KCNIP2: variants seen among roughly 807,000 people sequenced by gnomAD.
KCNIP2 encodes the protein A-type potassium channel modulatory protein KCNIP2.
A neutral mutation model predicts 39.0 loss-of-function variants in KCNIP2; 19 were observed. The observed-to-expected ratio is 0.49, with a 90% CI of 0.34 to 0.71. KCNIP2 has a LOEUF of 0.71. KCNIP2 is among the 30% of genes least tolerant of loss of function. The probability of loss-of-function intolerance (pLI) is 0.01; values close to 1 mark genes in which losing one functional copy is unlikely to be tolerated. For synonymous variants in KCNIP2, 111 were observed against 131.2 expected, an observed-to-expected ratio of 0.85 and a Z score of 1.05; for missense variants, 261 against 346.0, an observed-to-expected ratio of 0.75 and a Z score of 1.95.
chr10:101,827,685 G>A lies in KCNIP2; in HGVS notation c.765+4C>T, dbSNP rs2065789366. ...AGGGTAATGTAGAGGGCAGGGAGCT[G>A]TACCTTTTGACAAGACTCAATGAAT... is the stretch of plus-strand genomic sequence containing the variant. On this transcript the variant is annotated splice_donor_region_variant and intron_variant, in intron 9 of 9. Coordinates refer to ENST00000356640, the MANE Select transcript of KCNIP2 (RefSeq NM_173191.3). The A allele has an allele frequency of 1.2e-6, 2 of 1,613,970 alleles. No individual in the cohort carries two copies. The highest frequency in any genetic ancestry group is 1.7e-5 in the Admixed American group (1 of 60,020).
At position 101,830,192 on chromosome 10, in the gene KCNIP2, G is replaced by C. The variant is rs527732577; in HGVS notation, c.170-295C>G. Among the ~76,000 whole-genome samples the C allele has an allele frequency of 3.3e-5, 5 of 152,306 alleles. No individual in the cohort carries two copies. The South Asian group carries it at 1.0e-3, about 32-fold the overall frequency. The stretch of plus-strand genomic sequence containing the variant: ...AATGCAGTATGATCCTATGAGGTGG[G>C]CAAGGCCCAACTGAGGAAATGGAGA... On this transcript the variant is annotated intron_variant, in intron 2 of 9. Coordinates refer to ENST00000356640, the MANE Select transcript of KCNIP2 (RefSeq NM_173191.3).
chr10:101,831,837 T>C (rs1290436387), intron 1 of KCNIP2, among the ~76,000 whole-genome samples: 1 of 152,182 alleles, frequency 6.6e-6, no homozygotes, highest in Non-Finnish European at 1.5e-5. Flanking sequence ...CACTATGACA[T>C]TGTGACCTTA....
chr10:101,831,013 GCA>G lies in KCNIP2; in HGVS notation c.169+57_169+58del. The G allele has an allele frequency of 2.8e-6, 4 of 1,418,546 alleles. No individual in the cohort carries two copies. In the South Asian group the frequency reaches 4.7e-5, roughly 17 times the overall value. 87.9% of individuals were successfully genotyped at this position (1,418,546 alleles called of 1,614,324 possible). A position where few individuals can be genotyped will look rare whatever the true frequency, so the allele number is the denominator to read the frequency against. ...CTGGGGCACACGCGCACACACTCAT[GCA>G]CAGACACGCACGCACACATCGAGCC... is the stretch of plus-strand genomic sequence containing the variant. On this transcript the variant is annotated intron_variant, in intron 2 of 9. Coordinates refer to ENST00000356640, the MANE Select transcript of KCNIP2 (RefSeq NM_173191.3).
Position 101,839,911 on chromosome 10 carries a change from C to T in KCNIP2, c.73+3585G>A, listed in dbSNP as rs1334465686. ...GGGCGGTCCGGTCTCCGCCCTCACC[C>T]GGGTAGGCCCGCGTGGGCGGCGCGG... is the stretch of plus-strand genomic sequence containing the variant. On this transcript the variant is annotated intron_variant, in intron 1 of 9. Coordinates refer to ENST00000356640, the MANE Select transcript of KCNIP2 (RefSeq NM_173191.3). 27 of 1,450,072 alleles carry T rather than the reference C, an allele frequency of 1.9e-5. No homozygotes were observed. The East Asian group carries it at 5.1e-4, about 27-fold the overall frequency. The allele number at this position is 1,450,072 out of a possible 1,614,324, so 89.8% of individuals were successfully genotyped here.
In KCNIP2 at chr10:101,829,055, T is replaced by C. The variant is rs766298190; in HGVS notation, c.348+20A>G. ...CCTCCTGTCCCACCCTCGCTGAGTT[T>C]GGCCTCGCCTTGCACTCACGTTCTT... On this transcript the variant is annotated intron_variant, in intron 4 of 9. Coordinates refer to ENST00000356640, the MANE Select transcript of KCNIP2 (RefSeq NM_173191.3). 6.2e-7 allele frequency: 1 copy of C among 1,609,970 alleles called. No individual in the cohort carries two copies. The highest frequency in any genetic ancestry group is 2.2e-5 in the East Asian group (1 of 44,820).
In KCNIP2 at chr10:101,828,270, G is replaced by T. The variant is rs776700005; in HGVS notation, c.490-12C>A. The T allele has an allele frequency of 1.2e-6, 2 of 1,612,656 alleles. No homozygotes were observed. The highest frequency in any genetic ancestry group is 2.2e-5 in the East Asian group (1 of 44,874). On this transcript the variant is annotated splice_polypyrimidine_tract_variant and intron_variant, in intron 6 of 9. Transcript: ENST00000356640. The surrounding 1 kb of genome is among the most constrained non-coding windows in gnomAD (Gnocchi z 6.6). ...CCAGCCACAAAGTCCTGGGAAGGAGGCAGGAGGGAGCTGTGTCCTCGGGTA... is the reference window on the plus strand; with the variant it reads ...CCAGCCACAAAGTCCTGGGAAGGAGTCAGGAGGGAGCTGTGTCCTCGGGTA...
chr10:101,836,324 C>T (rs12762928), intron 1 of KCNIP2, among the ~76,000 whole-genome samples: 1 of 139,750 alleles, frequency 7.2e-6, no homozygotes, highest in Non-Finnish European at 1.5e-5. Context: ...ATCACCCAGG[C>T]TAAAGTGCGG....
intron 2 of KCNIP2, 22 bp from the exon 3 acceptor site, chr10:101,829,919 C>A (rs1219942084): frequency 6.5e-7 from 1 of 1,542,714 alleles, no homozygotes; most frequent in East Asian, 2.5e-5. Flanking sequence ...GAACTGTCAC[C>A]GAGAAAGCGG....
intron 1 of KCNIP2, chr10:101,839,934 C>T: frequency 8.1e-6 from 10 of 1,233,550 alleles, no homozygotes; most frequent in East Asian, 2.8e-5. Flanking sequence ...GTGGGCGGCG[C>T]GGGAGGGCCG....
Position 101,827,985 on chromosome 10 carries a change from A to G in KCNIP2, c.606T>C (p.Leu202=), listed in dbSNP as rs1307863781. ...TGTCATAGATGGACTTCATGATGTC[A>G]AGCATTTCCTGTTAGGCCAAGAGAG... ...KDGCITKEEM[L]DIMKSIYDMM... Residue 202 remains leucine, a synonymous_variant, in exon 8 of 10, where the codon CTT becomes CTC. Coordinates refer to ENST00000356640, the MANE Select transcript of KCNIP2 (RefSeq NM_173191.3). 1 of 1,613,346 alleles carries G rather than the reference A, an allele frequency of 6.2e-7. No individual in the cohort carries two copies. The highest frequency in any genetic ancestry group is 1.3e-5 in the African/African-American group (1 of 74,966).
chr10:101,834,122 C>T (rs2066075474), intron 1 of KCNIP2: 1 of 396,502 alleles, frequency 2.5e-6, no homozygotes, highest in South Asian at 1.4e-4. Context: ...CCCCAAGCAC[C>T]CCTACTCACC....
chr10:101,831,019 ACACG>A (rs2065973050), intron 2 of KCNIP2, 49 bp downstream of exon 2: 1 of 1,456,786 alleles, frequency 6.9e-7, no homozygotes, highest in East Asian at 2.3e-5. Flanking sequence ...TCATGCACAG[ACACG>A]CACGCACACA....
chr10:101,831,228 C>T, intron 1 of KCNIP2, 61 bp from the exon 2 acceptor site: 1 of 1,246,486 alleles, frequency 8.0e-7, no homozygotes, highest in South Asian at 1.4e-5. Flanking sequence ...TGTTCCCTGT[C>T]CCCTCCCCGC....
rs745434445 is a variant in KCNIP2, at chr10:101,831,102, CGCAGCACGGCA to C, written c.128_138del (p.Leu43ArgfsTer10). On this transcript the variant is annotated frameshift_variant, in exon 2 of 10. Coordinates refer to ENST00000356640, the MANE Select transcript of KCNIP2 (RefSeq NM_173191.3). LOFTEE classifies it high-confidence loss of function. Reference sequence around the variant, plus strand: ...CTGACTGAGGGCAGGGCTTGGGGCCCGCAGCACGGCAGCAGCTTGAGGAATCGCTGCTTCAG... The same window carrying C: ...CTGACTGAGGGCAGGGCTTGGGGCCCGCAGCTTGAGGAATCGCTGCTTCAG... The C allele has an allele frequency of 1.2e-6, 2 of 1,613,760 alleles. No individual in the cohort carries two copies. The highest frequency in any genetic ancestry group is 1.7e-6 in the Non-Finnish European group (2 of 1,179,950).
At position 101,827,894 on chromosome 10, in the gene KCNIP2, A is replaced by G. The variant is rs751628876; in HGVS notation, c.697T>C (p.Phe233Leu). 1 of 1,612,462 alleles carries G rather than the reference A, an allele frequency of 6.2e-7. No homozygotes were observed. The highest frequency in any genetic ancestry group is 8.5e-7 in the Non-Finnish European group (1 of 1,178,458). Reference protein sequence around the residue: ...EAPREHVESFFQKMDRNKDGV... With the variant: ...EAPREHVESFLQKMDRNKDGV... ...GCCTACCCACTCCCAAGTACCTGGA[A>G]GAAGCTCTCCACGTGTTCCCTTGGG... is the stretch of plus-strand genomic sequence containing the variant. The change falls in exon 8 of 10, where the codon TTC becomes CTC. Residue 233 changes from phenylalanine to leucine, a missense_variant. Coordinates refer to ENST00000356640, the MANE Select transcript of KCNIP2 (RefSeq NM_173191.3).
At chr10:101,839,288 T>C (rs933587097) in intron 1 of KCNIP2, among the ~76,000 whole-genome samples, 7 of 152,220 alleles carry the variant, frequency 4.6e-5, no homozygotes, top group African/African-American at 1.7e-4. Flanking sequence ...ATGAACTTGC[T>C]AGCTGAGTTC....
chr10:101,827,149 A>G lies in KCNIP2; in HGVS notation c.*204T>C, dbSNP rs913544517. On this transcript the variant is annotated 3_prime_UTR_variant, in exon 10 of 10. Coordinates refer to ENST00000356640, the MANE Select transcript of KCNIP2 (RefSeq NM_173191.3). ...GGGGTGAGAGCTGGTGGGAGTTGGG[A>G]ACACCCCCCGAGATGCACTCTGCCC... 69 of 1,230,022 alleles carry G rather than the reference A, an allele frequency of 5.6e-5. No homozygotes were observed. The highest frequency in any genetic ancestry group is 4.6e-4 in the South Asian group (14 of 30,336). 76.2% of individuals were successfully genotyped at this position (1,230,022 alleles called of 1,614,324 possible).
At position 101,827,152 on chromosome 10, in the gene KCNIP2, A is replaced by G. The variant is rs942731791; in HGVS notation, c.*201T>C. On this transcript the variant is annotated 3_prime_UTR_variant, in exon 10 of 10. Coordinates refer to ENST00000356640, the MANE Select transcript of KCNIP2 (RefSeq NM_173191.3). Reference sequence around the variant, plus strand: ...GTGAGAGCTGGTGGGAGTTGGGAACACCCCCCGAGATGCACTCTGCCCACT... The same window carrying G: ...GTGAGAGCTGGTGGGAGTTGGGAACGCCCCCCGAGATGCACTCTGCCCACT... The G allele has an allele frequency of 8.1e-7, 1 of 1,240,556 alleles. No individual in the cohort carries two copies. Among genetic ancestry groups the G allele is most frequent in the Non-Finnish European group, 1.0e-6 (1 of 976,570 alleles). The allele number at this position is 1,240,556 out of a possible 1,614,324, so 76.8% of individuals were successfully genotyped here.
At chr10:101,835,888 T>G (rs991602291) in intron 1 of KCNIP2, among the ~76,000 whole-genome samples, 1 of 152,228 alleles carries the variant, frequency 6.6e-6, no homozygotes, top group Non-Finnish European at 1.5e-5. Context: ...GTGGTGAAAC[T>G]AAGTCAAAGA....
Sources: gnomAD v4.1 joint callset for allele counts (sites outside exome capture counted in the v4.1 genomes callset) on GRCh38, gnomAD v4.1.1 for gene constraint, Gnocchi (gnomAD v3.1) non-coding constraint, MANE v1.5 for transcripts, NCBI Gene and HGNC (gene_info 2026-07-23, HGNC 2026-07-21) for gene names.